The following CACNA1E variants were observed in gnomAD, a reference collection of about 807,000 sequenced individuals.
CACNA1E encodes the protein voltage-dependent R-type calcium channel subunit alpha-1E.
CACNA1E carries 40 observed loss-of-function variants against 259.2 expected under a neutral mutation model. The ratio of observed to expected loss-of-function variants is 0.15; its 90% CI spans 0.12 to 0.20. CACNA1E has a LOEUF of 0.20. CACNA1E is among the 10% of genes least tolerant of loss of function. The pLI is 1.00. For missense variants in CACNA1E, 1,874 were observed against 3,040.1 expected, an observed-to-expected ratio of 0.62 and a Z score of 9.02; for synonymous variants, 1,104 against 1,138.5, an observed-to-expected ratio of 0.97 and a Z score of 0.61.
chr1:181,710,213 TC>T (rs1179312100), intron 7 of CACNA1E, among the ~76,000 whole-genome samples: 1 of 142,938 alleles, frequency 7.0e-6, no homozygotes, highest in East Asian at 2.4e-4. Flanking sequence ...CCCACCACCT[TC>T]CCACTGGCTT....
chr1:181,401,285 A>C (rs115683485), intron 1 of CACNA1E, among the ~76,000 whole-genome samples: 1 of 152,078 alleles, frequency 6.6e-6, no homozygotes, highest in Non-Finnish European at 1.5e-5. Context: ...GCTGACCCTG[A>C]CATGATGCAC....
At chr1:181,780,267 A>AGG (rs964459638) in intron 38 of CACNA1E, among the ~76,000 whole-genome samples, 2 of 152,198 alleles carry the variant, frequency 1.3e-5, no homozygotes, top group African/African-American at 4.8e-5. Context: ...GAGGGATCTG[A>AGG]GGGAGCTGTC....
intron 1 of CACNA1E, among the ~76,000 whole-genome samples, chr1:181,507,529 G>T (rs189712786): frequency 1.2e-3 from 189 of 152,280 alleles, no homozygotes; most frequent in African/African-American, 4.3e-3. Flanking sequence ...TGGTCCAAGG[G>T]GATATTGTGA....
intron 6 of CACNA1E, among the ~76,000 whole-genome samples, chr1:181,606,038 G>T (rs532216177): frequency 4.4e-4 from 67 of 152,176 alleles, no homozygotes; most frequent in South Asian, 2.5e-3. Flanking sequence ...CCATTACACC[G>T]TCCTGTTTCC....
intron 18 of CACNA1E, among the ~76,000 whole-genome samples, chr1:181,729,448 CT>C (rs1655258496): frequency 6.6e-6 from 1 of 152,238 alleles, no homozygotes; most frequent in South Asian, 2.1e-4. Context: ...GCAAACATGG[CT>C]ATCCATGAAG....
intron 36 of CACNA1E, 160 bp downstream of exon 36, chr1:181,771,544 T>C (rs1173757955): frequency 1.6e-6 from 1 of 607,284 alleles, no homozygotes; most frequent in Non-Finnish European, 3.0e-6. Flanking sequence ...ACTGCCCCTA[T>C]AACATTAGAC....
At chr1:181,724,955 TC>T (rs1426779944) in intron 17 of CACNA1E, among the ~76,000 whole-genome samples, 6 of 152,232 alleles carry the variant, frequency 3.9e-5, no homozygotes, top group African/African-American at 1.4e-4. Flanking sequence ...CCATCACAGT[TC>T]CTGGGCTATG....
intron 1 of CACNA1E, among the ~76,000 whole-genome samples, chr1:181,345,058 C>T (rs1353543267): frequency 6.6e-6 from 1 of 152,240 alleles, no homozygotes; most frequent in Admixed American, 6.5e-5. Context: ...CTCCTGCAGT[C>T]TTAGCCAGCT....
intron 1 of CACNA1E, among the ~76,000 whole-genome samples, chr1:181,332,219 T>G (rs2102600724): frequency 1.3e-5 from 2 of 152,210 alleles, no homozygotes; most frequent in Middle Eastern, 6.8e-3. Flanking sequence ...TGTCGAAGAC[T>G]GGGGAGTGGG....
At chr1:181,577,169 T>C (rs1244341340) in intron 3 of CACNA1E, among the ~76,000 whole-genome samples, 3 of 152,166 alleles carry the variant, frequency 2.0e-5, no homozygotes, top group Non-Finnish European at 4.4e-5. Context: ...CATGGAAAAA[T>C]AGGAAGAAAT....
chr1:181,483,386 A>AC (rs1663466970), upstream of CACNA1E: 1 of 174,750 alleles, frequency 5.7e-6, no homozygotes, highest in African/African-American at 2.4e-5. Context: ...AGCCTACTCC[A>AC]CCCCTCTCCT....
intron 39 of CACNA1E, among the ~76,000 whole-genome samples, chr1:181,782,125 C>T (rs1660481776): frequency 6.6e-6 from 1 of 152,226 alleles, no homozygotes; most frequent in South Asian, 2.1e-4. Context: ...CTGTGATAGA[C>T]TGAGGAATGC....
rs529650902 is a variant in CACNA1E, at chr1:181,353,599, G to A, written c.-15+35476G>A. Reference sequence around the variant, plus strand: ...AATATGCTGTTGGGTGACGGATGGGGGTGGGAAGAGATGTCAGTGAACCAT... The same window carrying A: ...AATATGCTGTTGGGTGACGGATGGGAGTGGGAAGAGATGTCAGTGAACCAT... On this transcript the variant is annotated intron_variant, in intron 1 of 11. Coordinates refer to the CACNA1E transcript ENST00000524607. Among the ~76,000 whole-genome samples the A allele has an allele frequency of 1.8e-4, 28 of 152,326 alleles. No homozygotes were observed. The South Asian group carries it at 5.4e-3, about 29-fold the overall frequency.
intron 2 of CACNA1E, among the ~76,000 whole-genome samples, chr1:181,458,041 G>A (rs994481000): frequency 6.6e-6 from 1 of 152,214 alleles, no homozygotes; most frequent in Admixed American, 6.5e-5. Flanking sequence ...AGCGGCTGGA[G>A]GCTCCTCCAC....
chr1:181,324,045 T>G (rs913812296), intron 1 of CACNA1E, among the ~76,000 whole-genome samples: 3 of 152,244 alleles, frequency 2.0e-5, no homozygotes, highest in Non-Finnish European at 4.4e-5. Context: ...AAAAATCACT[T>G]AAGTTCTCCC....
At chr1:181,639,365 G>A (rs1657541012) in intron 6 of CACNA1E, among the ~76,000 whole-genome samples, 2 of 152,236 alleles carry the variant, frequency 1.3e-5, no homozygotes, top group Admixed American at 6.5e-5. Context: ...TGGGATTACA[G>A]GTGTGAGCCA....
chr1:181,528,830 T>C (rs514590), intron 3 of CACNA1E, among the ~76,000 whole-genome samples: 25,661 of 152,218 alleles, frequency 0.17, 2,334 homozygotes, highest in African/African-American at 0.23. Flanking sequence ...AGTTGGGTGC[T>C]GTTAAAAGCA....
chr1:181,493,039 C>T (rs1471533122), intron 1 of CACNA1E, among the ~76,000 whole-genome samples: 5 of 152,070 alleles, frequency 3.3e-5, no homozygotes, highest in Non-Finnish European at 7.4e-5. Context: ...ACCATTAAGT[C>T]CCTCTAGTAC....
intron 37 of CACNA1E, among the ~76,000 whole-genome samples, chr1:181,775,780 T>G (rs1245104856): frequency 1.3e-5 from 2 of 152,226 alleles, no homozygotes; most frequent in African/African-American, 4.8e-5. Context: ...ACAAATGGTC[T>G]GTCTGGTGCT....
Sources: allele counts gnomAD v4.1 joint callset (sites outside exome capture counted in the v4.1 genomes callset), GRCh38; gene constraint gnomAD v4.1.1; transcripts MANE v1.5; gene names NCBI Gene and HGNC (gene_info 2026-07-23, HGNC 2026-07-21).